BBOX1: variants seen among roughly 807,000 people sequenced by gnomAD.
The protein encoded by BBOX1 is gamma-butyrobetaine hydroxylase 1.
In BBOX1, 35 loss-of-function variants were observed where a neutral mutation model predicts 41.6. That is an observed-to-expected ratio of 0.84 (90% CI 0.64 to 1.11). The LOEUF is 1.11. BBOX1 is among the 50% of genes most tolerant of loss of function. The pLI is 0.00. For synonymous variants in BBOX1, 163 were observed against 154.7 expected (o/e 1.05, Z -0.40); for missense variants, 458 against 460.6 (o/e 0.99, Z 0.05).
chr11:27,088,518 G>A (rs1750459254), intron 4 of BBOX1, among the ~76,000 whole-genome samples: 1 of 151,920 alleles, frequency 6.6e-6, no homozygotes, highest in Admixed American at 6.6e-5. Context: ...TTCTGACTAG[G>A]AGCCAAGGTT....
intron 4 of BBOX1, among the ~76,000 whole-genome samples, chr11:27,069,998 T>G (rs1241417056): frequency 2.0e-5 from 3 of 152,174 alleles, no homozygotes; most frequent in Non-Finnish European, 4.4e-5. Flanking sequence ...ATTTTTAAAT[T>G]TCCATCTTGA....
At chr11:27,044,486 T>G (rs1184939358) in intron 2 of BBOX1, among the ~76,000 whole-genome samples, 1 of 152,198 alleles carries the variant, frequency 6.6e-6, no homozygotes, top group Non-Finnish European at 1.5e-5. Flanking sequence ...GCTTTTGGTG[T>G]TTTAGTCATG....
intron 5 of BBOX1, among the ~76,000 whole-genome samples, chr11:27,108,552 A>T (rs1858944356): frequency 6.6e-6 from 1 of 152,056 alleles, no homozygotes; most frequent in Non-Finnish European, 1.5e-5. Context: ...CTATGGAGTG[A>T]CATGAACTTC....
At chr11:27,102,691 T>A (rs1167777059) in intron 5 of BBOX1, among the ~76,000 whole-genome samples, 1 of 152,142 alleles carries the variant, frequency 6.6e-6, no homozygotes, top group African/African-American at 2.4e-5. Context: ...ATGTATCTAT[T>A]CATTTTGGTT....
At chr11:27,126,489 C>T (rs957473744) in intron 8 of BBOX1, among the ~76,000 whole-genome samples, 1 of 152,022 alleles carries the variant, frequency 6.6e-6, no homozygotes, top group African/African-American at 2.4e-5. Flanking sequence ...GGGTAAATTC[C>T]TCAATTTTTT....
intron 4 of BBOX1, among the ~76,000 whole-genome samples, chr11:27,067,995 A>G (rs1487991576): frequency 1.3e-5 from 2 of 152,012 alleles, no homozygotes; most frequent in African/African-American, 2.4e-5. Context: ...GGGCACTTAG[A>G]TTGGTCCCAT....
chr11:27,088,144 G>A (rs554291276), intron 4 of BBOX1, among the ~76,000 whole-genome samples: 19 of 152,030 alleles, frequency 1.2e-4, no homozygotes, highest in East Asian at 1.9e-4. Context: ...AAAATTCATC[G>A]AAACATGCTA....
intron 7 of BBOX1, among the ~76,000 whole-genome samples, chr11:27,124,649 G>A (rs900104546): frequency 6.6e-5 from 10 of 152,030 alleles, no homozygotes; most frequent in African/African-American, 2.2e-4. Flanking sequence ...CCAAGTAGCT[G>A]GGATTACAAG....
intron 7 of BBOX1, among the ~76,000 whole-genome samples, chr11:27,120,583 TTTTTA>T (rs1365180450): frequency 1.3e-5 from 2 of 152,122 alleles, no homozygotes; most frequent in Non-Finnish European, 2.9e-5. Context: ...TCTCCCTTTC[TTTTTA>T]TTTAATATTA....
intron 5 of BBOX1, among the ~76,000 whole-genome samples, chr11:27,099,805 C>T (rs1189250961): frequency 6.6e-6 from 1 of 152,086 alleles, no homozygotes; most frequent in Non-Finnish European, 1.5e-5. Flanking sequence ...TTAATACCTG[C>T]TATGTCCTTT....
intron 4 of BBOX1, among the ~76,000 whole-genome samples, chr11:27,073,276 A>T (rs559764083): frequency 2.2e-4 from 34 of 152,248 alleles, no homozygotes; most frequent in Non-Finnish European, 4.0e-4. Flanking sequence ...ACACTTCTCA[A>T]GAAGACATTT....
chr11:27,118,086 G>T (rs1859329602), intron 6 of BBOX1, among the ~76,000 whole-genome samples: 3 of 151,862 alleles, frequency 2.0e-5, no homozygotes, highest in Admixed American at 2.0e-4. Flanking sequence ...TTGACTCTTG[G>T]GAAGAAAAAA....
At chr11:27,067,979 G>A (rs758216944) in intron 4 of BBOX1, among the ~76,000 whole-genome samples, 7 of 151,866 alleles carry the variant, frequency 4.6e-5, no homozygotes, top group Non-Finnish European at 8.8e-5. Flanking sequence ...CCATTCATTA[G>A]TCGATGGGCA....
chr11:27,093,999 G>A (rs1299089221), intron 5 of BBOX1, among the ~76,000 whole-genome samples: 2 of 151,940 alleles, frequency 1.3e-5, no homozygotes, highest in African/African-American at 4.8e-5. Flanking sequence ...TAAACTTTAT[G>A]TTAAAGTTCA....
At chr11:27,120,190 T>C (rs1193943607) in intron 7 of BBOX1, among the ~76,000 whole-genome samples, 1 of 152,166 alleles carries the variant, frequency 6.6e-6, no homozygotes, top group Non-Finnish European at 1.5e-5. Flanking sequence ...TCCCAAGAGT[T>C]AAACAATGTC....
chr11:27,088,515 T>G (rs1006409832), intron 4 of BBOX1, among the ~76,000 whole-genome samples: 1 of 152,018 alleles, frequency 6.6e-6, no homozygotes, highest in Non-Finnish European at 1.5e-5. Context: ...AAATTCTGAC[T>G]AGGAGCCAAG....
At chr11:27,125,528 T>C (rs1859621085) in intron 7 of BBOX1, 126 bp from the exon 8 acceptor site, 1 of 783,628 alleles carries the variant, frequency 1.3e-6, no homozygotes, top group East Asian at 2.8e-5. Flanking sequence ...CCTTAATATC[T>C]TCTGTACATG....
chr11:27,120,860 G>T (rs766605445), intron 7 of BBOX1, among the ~76,000 whole-genome samples: 9 of 151,832 alleles, frequency 5.9e-5, no homozygotes, highest in Non-Finnish European at 1.3e-4. Context: ...TATTTATTGA[G>T]GCCAGCCACT....
At chr11:27,124,473 C>A (rs935564083) in intron 7 of BBOX1, among the ~76,000 whole-genome samples, 9 of 152,138 alleles carry the variant, frequency 5.9e-5, no homozygotes, top group Non-Finnish European at 1.3e-4. Flanking sequence ...CTAATTATAA[C>A]CACCAAAGCT....
Sources: allele counts gnomAD v4.1 joint callset (sites outside exome capture counted in the v4.1 genomes callset), GRCh38; gene constraint gnomAD v4.1.1; transcripts MANE v1.5; gene names NCBI Gene and HGNC (gene_info 2026-07-23, HGNC 2026-07-21).